The following TRIM71 variants were observed in gnomAD, a reference collection of about 807,000 sequenced individuals.
TRIM71 encodes tripartite motif containing 71, also known as E3 ubiquitin-protein ligase TRIM71.
Under a neutral mutation model 61.2 loss-of-function variants are expected in TRIM71, and 9 were observed. That is an observed-to-expected ratio of 0.15 (90% confidence interval 0.09 to 0.26). The LOEUF is 0.26. Among genes scored for constraint, TRIM71 ranks in the 10% least tolerant of loss-of-function variants. The probability of loss-of-function intolerance (pLI) is 1.00; values close to 1 mark genes in which losing one functional copy is unlikely to be tolerated. For synonymous variants in TRIM71, 645 were observed against 553.2 expected (o/e 1.17, Z -2.33); for missense variants, 998 against 1,238.7 (o/e 0.81, Z 2.92).
chr3:32,890,573 G>A lies in TRIM71; in HGVS notation c.1369G>A (p.Asp457Asn), dbSNP rs1209802658. 3 of 1,614,012 alleles carry A rather than the reference G, an allele frequency of 1.9e-6. No homozygotes were observed. The highest frequency in any genetic ancestry group is 1.7e-6 in the Non-Finnish European group (2 of 1,180,036). ...VRSLLQPQEDDRVMFTPPDQA... is the reference protein window; with the variant it reads ...VRSLLQPQEDNRVMFTPPDQA... Reference sequence around the variant, plus strand: ...GAGCCTCCTGCAGCCCCAGGAAGACGACCGAGTCATGTTCACACCCCCCGA... The same window carrying A: ...GAGCCTCCTGCAGCCCCAGGAAGACAACCGAGTCATGTTCACACCCCCCGA... Residue 457 changes from aspartate (D) to asparagine (N), a missense_variant, in exon 4 of 4, where the codon GAC becomes AAC. By Grantham distance (23) the Asp-to-Asn change is conservative. This residue lies in a region of TRIM71 where 291 missense variants were observed against 431.2 expected (regional missense o/e 0.67). Coordinates refer to ENST00000383763, the MANE Select transcript of TRIM71 (RefSeq NM_001039111.3). This position sits in a 1 kb window ranked among gnomAD's most constrained non-coding sequence, Gnocchi z 6.2.
intron 1 of TRIM71, among the ~76,000 whole-genome samples, chr3:32,823,755 C>T (rs560383242): frequency 1.4e-5 from 2 of 146,162 alleles, no homozygotes; most frequent in South Asian, 2.2e-4. Context: ...GGTGACGGAG[C>T]GAGACTATCT....
rs1161299222 is a variant in TRIM71, at chr3:32,851,392, C to G, written c.853-22426C>G. On this transcript the variant is annotated intron_variant, in intron 1 of 3. Coordinates refer to ENST00000383763, the MANE Select transcript of TRIM71 (RefSeq NM_001039111.3). ...ATTTCTCTCCTTAACTGAATCCACC[C>G]AGCTAAGTTCTTTGAAGACTTAGCG... 5.3e-5 allele frequency among the ~76,000 whole-genome samples: 8 copies of G among 152,210 alleles called. No individual in the cohort carries two copies. In the East Asian group the frequency reaches 1.5e-3, roughly 29 times the overall value.
chr3:32,871,551 C>T (rs932013170), intron 1 of TRIM71, among the ~76,000 whole-genome samples: 10 of 152,260 alleles, frequency 6.6e-5, no homozygotes, highest in Admixed American at 3.3e-4. Context: ...AGGAAAGGAA[C>T]GTCGTTCAAA....
intron 1 of TRIM71, among the ~76,000 whole-genome samples, chr3:32,839,571 C>T (rs938071239): frequency 6.8e-6 from 1 of 146,612 alleles, no homozygotes; most frequent in African/African-American, 2.5e-5. Context: ...CGTCAAGCCC[C>T]AGAACTTACA....
intron 1 of TRIM71, among the ~76,000 whole-genome samples, chr3:32,853,893 A>T (rs1358894927): frequency 6.6e-6 from 1 of 152,048 alleles, no homozygotes; most frequent in Non-Finnish European, 1.5e-5. Context: ...AGACCCAGCT[A>T]CTCAGGAGGC....
intron 1 of TRIM71, among the ~76,000 whole-genome samples, chr3:32,838,078 C>G (rs1696355797): frequency 6.6e-6 from 1 of 152,164 alleles, no homozygotes; most frequent in Admixed American, 6.5e-5. Flanking sequence ...TTTGAGGACA[C>G]AAAGCAATAA....
At chr3:32,834,161 A>G (rs1402852590) in intron 1 of TRIM71, among the ~76,000 whole-genome samples, 1 of 152,230 alleles carries the variant, frequency 6.6e-6, no homozygotes, top group African/African-American at 2.4e-5. Context: ...GGATGAAGTA[A>G]GGTTTAAGTG....
At chr3:32,851,659 A>G (rs1392419362) in intron 1 of TRIM71, among the ~76,000 whole-genome samples, 1 of 151,906 alleles carries the variant, frequency 6.6e-6, no homozygotes, top group Non-Finnish European at 1.5e-5. Flanking sequence ...TTGTATTTTT[A>G]GTAGAGATGG....
intron 1 of TRIM71, among the ~76,000 whole-genome samples, chr3:32,865,549 G>A (rs766526243): frequency 7.2e-5 from 11 of 152,084 alleles, no homozygotes; most frequent in Non-Finnish European, 1.2e-4. Context: ...GCTGCCCAGG[G>A]CATTGTTCTT....
intron 1 of TRIM71, among the ~76,000 whole-genome samples, chr3:32,841,659 G>T (rs1696407529): frequency 6.6e-6 from 1 of 152,038 alleles, no homozygotes; most frequent in Admixed American, 6.6e-5. Flanking sequence ...GGCAGGGATT[G>T]GTTAATAAGT....
In TRIM71 at chr3:32,890,665, C is replaced by G. The variant is rs779210014; in HGVS notation, c.1461C>G (p.Thr487=). The change falls in exon 4 of 4, where the codon ACC becomes ACG. Residue 487 remains threonine, a synonymous_variant. Transcript: ENST00000383763. The surrounding 1 kb of genome is among the most constrained non-coding windows in gnomAD (Gnocchi z 6.2). Reference sequence around the variant, plus strand: ...GCAGCGGGGCCTTTGCCCCACTCACCAAGGCCACAGGCGATGGCCTCAAGC... The same window carrying G: ...GCAGCGGGGCCTTTGCCCCACTCACGAAGGCCACAGGCGATGGCCTCAAGC... ...FVSSGAFAPL[T]KATGDGLKRA... 1.3e-5 allele frequency: 21 copies of G among 1,613,862 alleles called. No individual in the cohort carries two copies. The East Asian group carries it at 4.5e-4, about 34-fold the overall frequency.
At chr3:32,844,105 T>C (rs1696443302) in intron 1 of TRIM71, among the ~76,000 whole-genome samples, 1 of 152,142 alleles carries the variant, frequency 6.6e-6, no homozygotes, top group Admixed American at 6.6e-5. Context: ...GCGTCGTCGT[T>C]ATTTTGTGTG....
At chr3:32,883,119 G>A (rs993790450) in intron 2 of TRIM71, among the ~76,000 whole-genome samples, 5 of 152,140 alleles carry the variant, frequency 3.3e-5, no homozygotes, top group African/African-American at 1.2e-4. Flanking sequence ...GAGCTCTCTT[G>A]CTCTCTCTCG....
At position 32,888,622 on chromosome 3, in the gene TRIM71, C is replaced by A. The variant is rs181551875; in HGVS notation, c.1156-1738C>A. ...GTGGCACGATCTCGGCTCACTGCAA[C>A]CTCCGTCTCCTGGGTTCAAGCGATT... is the stretch of plus-strand genomic sequence containing the variant. On this transcript the variant is annotated intron_variant, in intron 3 of 3. Coordinates refer to ENST00000383763, the MANE Select transcript of TRIM71 (RefSeq NM_001039111.3). Among the ~76,000 whole-genome samples, 69 of 152,120 alleles carry A rather than the reference C, an allele frequency of 4.5e-4. No individual in the cohort carries two copies. In the East Asian group the frequency reaches 0.011, roughly 25 times the overall value.
chr3:32,829,185 CT>C (rs71630549), intron 1 of TRIM71, among the ~76,000 whole-genome samples: 22,840 of 129,576 alleles, frequency 0.18, 1,648 homozygotes, highest in Middle Eastern at 0.29. Flanking sequence ...TTTTTCTTTT[CT>C]TTTTTTTTTT....
chr3:32,839,780 GT>G (rs1195310089), intron 1 of TRIM71, among the ~76,000 whole-genome samples: 1 of 152,022 alleles, frequency 6.6e-6, no homozygotes, highest in Admixed American at 6.6e-5. Flanking sequence ...CAAGTCAGAG[GT>G]TGCTGGGCTG....
At chr3:32,874,356 ACTACTACTACT>A (rs1179723960) in intron 2 of TRIM71, among the ~76,000 whole-genome samples, 8 of 148,946 alleles carry the variant, frequency 5.4e-5, no homozygotes, top group Non-Finnish European at 8.8e-5. Context: ...TACTACTACT[ACTACTACTACT>A]ACAACATATT....
At chr3:32,880,401 G>A (rs1237808262) in intron 2 of TRIM71, among the ~76,000 whole-genome samples, 1 of 152,178 alleles carries the variant, frequency 6.6e-6, no homozygotes, top group East Asian at 1.9e-4. Flanking sequence ...AGATGAGGAG[G>A]ATATGTATAC....
rs188908093 is a variant in TRIM71, at chr3:32,894,547, A to G, written c.*2736A>G. On this transcript the variant is annotated 3_prime_UTR_variant, in exon 4 of 4. Coordinates refer to ENST00000383763, the MANE Select transcript of TRIM71 (RefSeq NM_001039111.3). ...CTTTGTCCTCAGTGGTGGTATATCT[A>G]TCTCCTTACCTTTCTGTACCCAAAA... The G allele has an allele frequency of 5.3e-5, 8 of 152,326 alleles. No homozygotes were observed. The highest frequency in any genetic ancestry group is 1.2e-4 in the Non-Finnish European group (8 of 68,038). The allele number at this position is 152,326 out of a possible 1,614,324, so 9.4% of individuals were successfully genotyped here.
Sources: allele counts gnomAD v4.1 joint callset (sites outside exome capture counted in the v4.1 genomes callset), GRCh38; gene constraint gnomAD v4.1.1; regional missense constraint gnomAD v4.1.1; non-coding constraint Gnocchi (gnomAD v3.1); transcripts MANE v1.5; gene names NCBI Gene and HGNC (gene_info 2026-07-23, HGNC 2026-07-21).